The following ESYT2 variants were observed in gnomAD, a reference collection of about 807,000 sequenced individuals.
ESYT2 encodes the protein extended synaptotagmin 2.
In ESYT2, 54 loss-of-function variants were observed where a neutral mutation model predicts 107.2. The observed-to-expected ratio is 0.50, with a 90% confidence interval of 0.40 to 0.63. The LOEUF is 0.63. Among genes scored for constraint, ESYT2 ranks in the 30% least tolerant of loss-of-function variants. The pLI is 0.00. For missense variants in ESYT2, 1,020 were observed against 1,094.5 expected (o/e 0.93, Z 0.96); for synonymous variants, 491 against 434.1 (o/e 1.13, Z -1.63).
Position 158,743,614 on chromosome 7 carries a change from G to C in ESYT2, c.1709C>G (p.Thr570Ser). 6.2e-7 allele frequency: 1 copy of C among 1,613,768 alleles called. No homozygotes were observed. The highest frequency in any genetic ancestry group is 8.5e-7 in the Non-Finnish European group (1 of 1,179,926). ...NLKVPLSQLL[T>S]SEDMTVSQRF... is the part of the protein sequence containing the mutation. ...CTGGCTCACAGTCATGTCCTCACTG[G>C]TGAGCAGCTGGCTGAGGGGGACCTT... Residue 570 changes from threonine (T) to serine (S), a missense_variant, in exon 17 of 23, where the codon ACC becomes AGC. Transcript: ENST00000275418.
At chr7:158,779,798 T>C (rs925693729) in intron 6 of ESYT2, among the ~76,000 whole-genome samples, 17 of 152,238 alleles carry the variant, frequency 1.1e-4, no homozygotes, top group African/African-American at 4.1e-4. Flanking sequence ...GGCCCATATT[T>C]GCTTCTATGC....
At chr7:158,794,997 T>C (rs969760162) in intron 3 of ESYT2, among the ~76,000 whole-genome samples, 4 of 152,150 alleles carry the variant, frequency 2.6e-5, no homozygotes, top group African/African-American at 9.7e-5. Context: ...CACACTATTC[T>C]AATAAGTGAA....
At chr7:158,772,894 T>TAAAA (rs3033501) in intron 7 of ESYT2, among the ~76,000 whole-genome samples, 39 of 142,034 alleles carry the variant, frequency 2.7e-4, no homozygotes, top group African/African-American at 5.0e-4. Flanking sequence ...GAATAAAAGT[T>TAAAA]AAAAAAAAAA....
chr7:158,815,434 TC>T (rs1840124138), intron 1 of ESYT2, among the ~76,000 whole-genome samples: 1 of 150,322 alleles, frequency 6.7e-6, no homozygotes, highest in Admixed American at 6.6e-5. Flanking sequence ...CTATCTTCCT[TC>T]CTCCCCAAAG....
chr7:158,757,317 C>T (rs371238395), intron 13 of ESYT2, among the ~76,000 whole-genome samples: 4 of 152,342 alleles, frequency 2.6e-5, no homozygotes, highest in South Asian at 4.1e-4. Flanking sequence ...AAAGAAAGAA[C>T]CCCGGAGGAC....
chr7:158,762,069 G>C (rs1271051806), intron 10 of ESYT2, among the ~76,000 whole-genome samples: 1 of 151,882 alleles, frequency 6.6e-6, no homozygotes, highest in Non-Finnish European at 1.5e-5. Flanking sequence ...GAGCCCGATG[G>C]ACGCCCTCAC....
At chr7:158,792,687 T>C (rs530652251) in intron 4 of ESYT2, among the ~76,000 whole-genome samples, 9 of 151,458 alleles carry the variant, frequency 5.9e-5, no homozygotes, top group Admixed American at 2.6e-4. Flanking sequence ...AGAGAAGTAG[T>C]GAAAGAGGGC....
At position 158,761,518 on chromosome 7, in the gene ESYT2, T is replaced by C; in HGVS notation, c.1211A>G (p.Glu404Gly). 1 of 1,614,096 alleles carries C rather than the reference T, an allele frequency of 6.2e-7. No individual in the cohort carries two copies. The highest frequency in any genetic ancestry group is 8.5e-7 in the Non-Finnish European group (1 of 1,179,984). Residue 404 changes from glutamate to glycine, a missense_variant, in exon 11 of 23, where the codon GAA (glutamate) becomes GGA (glycine). Physicochemically the swap from Glu to Gly is moderately conservative, Grantham distance 98. Transcript: ENST00000275418. ...TACTTCATCTAAAAGGCGCTCCTTT[T>C]CAACTTCAATGAGGTCAATCATAAG... ...GSLMIDLIEV[E>G]KERLLDEWFT...
At chr7:158,798,216 C>T (rs1839527936) in intron 2 of ESYT2, 140 bp from the exon 3 acceptor site, 2 of 862,762 alleles carry the variant, frequency 2.3e-6, no homozygotes, top group Admixed American at 3.1e-5. Flanking sequence ...TATGCAAAAT[C>T]AACATGATCT....
At chr7:158,792,911 GGCGCCCA>G (rs1431205828) in intron 4 of ESYT2, among the ~76,000 whole-genome samples, 5 of 151,698 alleles carry the variant, frequency 3.3e-5, no homozygotes, top group Admixed American at 6.6e-5. Flanking sequence ...TGGGACTACA[GGCGCCCA>G]CCACCACGCC....
In ESYT2 at chr7:158,796,408, G is replaced by C. The variant is rs140425779; in HGVS notation, c.507+1534C>G. Among the ~76,000 whole-genome samples, 114 of 152,288 alleles carry C rather than the reference G, an allele frequency of 7.5e-4. No homozygotes were observed. The Middle Eastern group carries it at 0.017, about 23-fold the overall frequency. The stretch of plus-strand genomic sequence containing the variant: ...CCATCTTTTCTTCCACTTACGTAAT[G>C]AATGTTGTACCTAACATACCAGCAT... On this transcript the variant is annotated intron_variant, in intron 3 of 22. Transcript: ENST00000275418.
chr7:158,745,779 T>C (rs940050630), intron 16 of ESYT2, among the ~76,000 whole-genome samples: 4 of 151,600 alleles, frequency 2.6e-5, no homozygotes, highest in African/African-American at 9.7e-5. Flanking sequence ...AAAGGGAAAT[T>C]AAGGAAATAA....
At position 158,732,183 on chromosome 7, in the gene ESYT2, AAATTACTGGCATGCTAC is replaced by A. The variant is rs1836774354; in HGVS notation, c.*2007_*2023del. The A allele has an allele frequency of 6.6e-6, 1 of 152,210 alleles. No homozygotes were observed. Among genetic ancestry groups the A allele is most frequent in the South Asian group, 2.1e-4 (1 of 4,832 alleles). The allele number at this position is 152,210 out of a possible 1,614,324, so 9.4% of individuals were successfully genotyped here. On this transcript the variant is annotated 3_prime_UTR_variant, in exon 23 of 23. Transcript: ENST00000275418. ...ACTCAGATGTATGGGATGTTGGTAA[AAATTACTGGCATGCTAC>A]AATTTCCATGAGTGCTGCTGCTTTA...
In ESYT2 at chr7:158,801,743, G is replaced by A. The variant is rs529006023; in HGVS notation, c.331-2671C>T. Among the ~76,000 whole-genome samples the A allele has an allele frequency of 9.2e-5, 14 of 152,076 alleles. No individual in the cohort carries two copies. In the South Asian group the frequency reaches 2.1e-3, roughly 23 times the overall value. On this transcript the variant is annotated intron_variant, in intron 1 of 22. Coordinates refer to ENST00000275418, the MANE Select transcript of ESYT2 (RefSeq NM_001367773.1). ...AAATAATCATTGTACGATTATTCACGTTTCTATTATATTTGAGTTGACACC... is the reference window on the plus strand; with the variant it reads ...AAATAATCATTGTACGATTATTCACATTTCTATTATATTTGAGTTGACACC...
rs199585878 is a variant in ESYT2, at chr7:158,817,523, T to C, written c.330+11566A>G. Reference sequence around the variant, plus strand: ...TGTACCCGCTTCCAGCTGTCCCACCTTTCTGAACCAATGTACCTGCTTCCA... The same window carrying C: ...TGTACCCGCTTCCAGCTGTCCCACCCTTCTGAACCAATGTACCTGCTTCCA... On this transcript the variant is annotated intron_variant, in intron 1 of 22. Coordinates refer to ENST00000275418, the MANE Select transcript of ESYT2 (RefSeq NM_001367773.1). 1.8e-4 allele frequency among the ~76,000 whole-genome samples: 28 copies of C among 152,374 alleles called. 1 individual carries two copies. In the East Asian group the frequency reaches 5.4e-3, roughly 29 times the overall value.
Position 158,829,411 on chromosome 7 carries a change from CCGCTCATCGCCCCGCAGTGCCG to C in ESYT2, c.-15_7del. On this transcript the variant is annotated start_lost and 5_prime_UTR_variant, in exon 1 of 23. Coordinates refer to ENST00000275418, the MANE Select transcript of ESYT2 (RefSeq NM_001367773.1). ...CGCCTCCGGGCCCTCGCCCCGGGCGCCGCTCATCGCCCCGCAGTGCCGCGCTGCCCTCCCGGCCGAGGCGGGC... is the reference window on the plus strand; with the variant it reads ...CGCCTCCGGGCCCTCGCCCCGGGCGCCGCTGCCCTCCCGGCCGAGGCGGGC... 1 of 1,196,112 alleles carries C rather than the reference CCGCTCATCGCCCCGCAGTGCCG, an allele frequency of 8.4e-7. No homozygotes were observed. The highest frequency in any genetic ancestry group is 1.0e-6 in the Non-Finnish European group (1 of 970,632). The allele number at this position is 1,196,112 out of a possible 1,614,324, so 74.1% of individuals were successfully genotyped here.
chr7:158,781,362 G>A (rs958345732), intron 6 of ESYT2, among the ~76,000 whole-genome samples: 4 of 151,904 alleles, frequency 2.6e-5, no homozygotes, highest in African/African-American at 9.7e-5. Flanking sequence ...GTGTAAGAAC[G>A]AGAACAAGTG....
chr7:158,781,526 G>C (rs1178279543), intron 6 of ESYT2, among the ~76,000 whole-genome samples: 1 of 151,628 alleles, frequency 6.6e-6, no homozygotes, highest in Non-Finnish European at 1.5e-5. Flanking sequence ...AAGTGTGAGA[G>C]GTGTGAGTGT....
At chr7:158,781,452 TTG>T (rs1838802955) in intron 6 of ESYT2, among the ~76,000 whole-genome samples, 1 of 147,732 alleles carries the variant, frequency 6.8e-6, no homozygotes, top group Non-Finnish European at 1.5e-5. Flanking sequence ...GAACAAGTGA[TTG>T]TGAGAACAAA....
Sources: gnomAD v4.1 joint callset for allele counts (sites outside exome capture counted in the v4.1 genomes callset) on GRCh38, gnomAD v4.1.1 for gene constraint, MANE v1.5 for transcripts, NCBI Gene and HGNC (gene_info 2026-07-23, HGNC 2026-07-21) for gene names.